The following DAGLA variants were observed in gnomAD, a reference collection of about 807,000 sequenced individuals.
DAGLA encodes diacylglycerol lipase-alpha.
In DAGLA, 22 loss-of-function variants were observed where a neutral mutation model predicts 102.6. The observed-to-expected ratio is 0.21, with a 90% CI of 0.15 to 0.31. The LOEUF (loss-of-function observed/expected upper bound fraction) is 0.31. Ranked by LOEUF, DAGLA falls within the 10% of genes least tolerant of loss-of-function variation. DAGLA has a pLI of 1.00. For synonymous variants in DAGLA, 578 were observed against 628.9 expected (o/e 0.92, Z 1.21); for missense variants, 927 against 1,446.6 (o/e 0.64, Z 5.83).
intron 1 of DAGLA, among the ~76,000 whole-genome samples, chr11:61,697,020 G>A (rs2065072795): frequency 6.6e-6 from 1 of 152,148 alleles, no homozygotes; most frequent in Non-Finnish European, 1.5e-5. Flanking sequence ...GGTAGCCTCT[G>A]GGGACTGGCC....
At chr11:61,697,863 C>G (rs556867954) in intron 1 of DAGLA, among the ~76,000 whole-genome samples, 1 of 152,154 alleles carries the variant, frequency 6.6e-6, no homozygotes, top group South Asian at 2.1e-4. Context: ...CTAATTTCCT[C>G]CTGTGATGGC....
intron 1 of DAGLA, among the ~76,000 whole-genome samples, chr11:61,694,608 T>C (rs929483742): frequency 3.9e-5 from 6 of 152,222 alleles, no homozygotes; most frequent in Non-Finnish European, 7.3e-5. Flanking sequence ...GCTGCCTTTA[T>C]TCAAGTGCCC....
chr11:61,681,116 C>G (rs2064938890), intron 1 of DAGLA, among the ~76,000 whole-genome samples: 1 of 152,062 alleles, frequency 6.6e-6, no homozygotes. Flanking sequence ...CCGTGGCCCT[C>G]CCATCCTGAT....
intron 1 of DAGLA, among the ~76,000 whole-genome samples, chr11:61,682,355 A>AT (rs964986930): frequency 1.3e-5 from 2 of 152,092 alleles, no homozygotes; most frequent in African/African-American, 4.8e-5. Flanking sequence ...ACGGGATGTG[A>AT]TTGGGAGGAA....
rs879236939 is a variant in DAGLA at position 61,745,975 on chromosome 11, G to A, written c.*1486G>A. 9 of 152,444 alleles carry A rather than the reference G, an allele frequency of 5.9e-5. No homozygotes were observed. The highest frequency in any genetic ancestry group is 1.2e-4 in the African/African-American group (5 of 41,448). 9.4% of individuals were successfully genotyped at this position (152,444 alleles called of 1,614,324 possible). On this transcript the variant is annotated 3_prime_UTR_variant, in exon 20 of 20. Transcript: ENST00000257215. ...TTGGAAAACTGGTGTGTACCGAGGC[G>A]CTGACTGCACGGCTGACCGCCTGCT...
At position 61,744,445 on chromosome 11, in the gene DAGLA, G is replaced by A; in HGVS notation, c.3085G>A (p.Ala1029Thr). The A allele has an allele frequency of 6.3e-7, 1 of 1,590,904 alleles. No individual in the cohort carries two copies. The highest frequency in any genetic ancestry group is 8.6e-7 in the Non-Finnish European group (1 of 1,165,976). The change falls in exon 20 of 20, where the codon GCC becomes ACC. Residue 1029 changes from alanine to threonine, a missense_variant. Coordinates refer to ENST00000257215, the MANE Select transcript of DAGLA (RefSeq NM_006133.3). ...GACTTCTACCCCCACTGGCCACGGAGCCAGCCCCGCCAAGCAAGATGAGCT... is the reference window on the plus strand; with the variant it reads ...GACTTCTACCCCCACTGGCCACGGAACCAGCCCCGCCAAGCAAGATGAGCT... ...IRTSTPTGHG[A>T]SPAKQDELVI... is the part of the protein sequence containing the mutation.
chr11:61,735,460 G>A (rs2065415036), intron 10 of DAGLA, 101 bp from the exon 11 acceptor site: 1 of 1,033,010 alleles, frequency 9.7e-7, no homozygotes, highest in Non-Finnish European at 1.4e-6. Flanking sequence ...CGTGGCTGGT[G>A]GAGCCAGAGT....
intron 1 of DAGLA, among the ~76,000 whole-genome samples, chr11:61,706,570 G>A (rs1261350010): frequency 6.6e-6 from 1 of 152,132 alleles, no homozygotes; most frequent in Non-Finnish European, 1.5e-5. Context: ...CAGGCGGGGG[G>A]TGCACCCAGG....
At chr11:61,715,005 C>A (rs957523948) in intron 1 of DAGLA, among the ~76,000 whole-genome samples, 2 of 152,150 alleles carry the variant, frequency 1.3e-5, no homozygotes, top group Admixed American at 1.3e-4. Context: ...CCTGATAATT[C>A]GGAGGTAGGT....
At chr11:61,714,189 G>A (rs1199881857) in intron 1 of DAGLA, among the ~76,000 whole-genome samples, 1 of 152,176 alleles carries the variant, frequency 6.6e-6, no homozygotes, top group Admixed American at 6.5e-5. Context: ...TGATTTACTG[G>A]GGCCTAGAGG....
At chr11:61,691,088 C>A (rs749032717) in intron 1 of DAGLA, among the ~76,000 whole-genome samples, 1 of 152,196 alleles carries the variant, frequency 6.6e-6, no homozygotes, top group Non-Finnish European at 1.5e-5. Flanking sequence ...ATGGAGGGCT[C>A]GGGGCACCTG....
At chr11:61,700,478 C>T (rs1316136982) in intron 1 of DAGLA, among the ~76,000 whole-genome samples, 1 of 152,234 alleles carries the variant, frequency 6.6e-6, no homozygotes, top group African/African-American at 2.4e-5. Context: ...TCCCCAACAC[C>T]TGCCCTCCTG....
intron 1 of DAGLA, among the ~76,000 whole-genome samples, chr11:61,683,132 A>G (rs1292551140): frequency 6.6e-6 from 1 of 152,210 alleles, no homozygotes; most frequent in East Asian, 1.9e-4. Flanking sequence ...TTTCTTCAGC[A>G]TTCCATGCGG....
chr11:61,708,241 C>T (rs2065165960), intron 1 of DAGLA, among the ~76,000 whole-genome samples: 1 of 152,224 alleles, frequency 6.6e-6, no homozygotes, highest in Admixed American at 6.5e-5. Context: ...CTCCTGGCCT[C>T]AAGTCATCCG....
chr11:61,704,911 A>G (rs1249652719), intron 1 of DAGLA, among the ~76,000 whole-genome samples: 1 of 152,150 alleles, frequency 6.6e-6, no homozygotes, highest in Admixed American at 6.5e-5. Context: ...CCTCAAGCAC[A>G]TGATTGGGAA....
intron 1 of DAGLA, among the ~76,000 whole-genome samples, chr11:61,718,297 G>A (rs57295447): frequency 0.26 from 39,275 of 151,858 alleles, 5,334 homozygotes; most frequent in East Asian, 0.46. Context: ...TGCCCCCCCA[G>A]CCTCTAGATT....
intron 1 of DAGLA, among the ~76,000 whole-genome samples, chr11:61,693,044 C>T (rs2065036899): frequency 1.3e-5 from 2 of 149,050 alleles, no homozygotes; most frequent in Admixed American, 6.7e-5. Flanking sequence ...GATTGAGTCT[C>T]ACTCTGTTGC....
chr11:61,705,792 C>CT (rs1291978325), intron 1 of DAGLA, among the ~76,000 whole-genome samples: 1 of 152,224 alleles, frequency 6.6e-6, no homozygotes, highest in East Asian at 1.9e-4. Context: ...CAGATTTCAC[C>CT]TGTGTTCACA....
intron 1 of DAGLA, among the ~76,000 whole-genome samples, chr11:61,696,439 C>T (rs756714094): frequency 1.1e-4 from 16 of 152,204 alleles, no homozygotes; most frequent in Non-Finnish European, 2.2e-4. Flanking sequence ...CGGGGAGGAG[C>T]AGTGGGGCCG....
Sources: allele counts gnomAD v4.1 joint callset (sites outside exome capture counted in the v4.1 genomes callset), GRCh38; gene constraint gnomAD v4.1.1; transcripts MANE v1.5; gene names NCBI Gene and HGNC (gene_info 2026-07-23, HGNC 2026-07-21).